CEP164: variants seen among roughly 807,000 people sequenced by gnomAD.
CEP164 encodes the protein centrosomal protein 164.
Under a neutral mutation model 182.7 loss-of-function variants are expected in CEP164, and 162 were observed. That is an observed-to-expected ratio of 0.89 (90% CI 0.78 to 1.01). The LOEUF is 1.01. Among genes scored for constraint, CEP164 ranks in the 50% least tolerant of loss-of-function variants. The pLI is 0.00. For synonymous variants in CEP164, 661 were observed against 690.0 expected, an observed-to-expected ratio of 0.96 and a Z score of 0.66; for missense variants, 1,735 against 1,790.4, an observed-to-expected ratio of 0.97 and a Z score of 0.56.
chr11:117,390,657 A>AAAT, intron 15 of CEP164, 120 bp from the exon 16 acceptor site: 2 of 1,061,672 alleles, frequency 1.9e-6, no homozygotes, highest in South Asian at 1.6e-5. Flanking sequence ...AAAAAAAAAA[A>AAAT]GATTTAGGAA....
At position 117,361,850 on chromosome 11, in the gene CEP164, T is replaced by C. The variant is rs764197141; in HGVS notation, c.409T>C (p.Leu137=). The part of the protein sequence containing the change: ...PKSSLALGSS[L]APVHVPLGGL... ...TGTTGCACAGGCCTTGGGTTCCTCA[T>C]TAGCCCCAGTTCATGTTCCTCTTGG... is the stretch of plus-strand genomic sequence containing the variant. Residue 137 remains leucine, a synonymous_variant, in exon 6 of 33, where the codon TTA becomes CTA. Transcript: ENST00000278935. 3.1e-6 allele frequency: 5 copies of C among 1,614,248 alleles called. No individual in the cohort carries two copies. The highest frequency in any genetic ancestry group is 3.4e-6 in the Non-Finnish European group (4 of 1,180,046).
At chr11:117,342,217 A>C (rs935101802) in intron 3 of CEP164, among the ~76,000 whole-genome samples, 17 of 152,324 alleles carry the variant, frequency 1.1e-4, no homozygotes, top group African/African-American at 3.8e-4. Flanking sequence ...GCACTCAAAA[A>C]TATTTGTGAA....
chr11:117,411,864 C>A lies in CEP164; in HGVS notation c.4233C>A (p.Gly1411=), dbSNP rs779295738. Residue 1411 remains glycine (G), a synonymous_variant, in exon 32 of 33, where the codon GGC becomes GGA. Coordinates refer to ENST00000278935, the MANE Select transcript of CEP164 (RefSeq NM_014956.5). This position sits in a 1 kb window ranked among gnomAD's most constrained non-coding sequence, Gnocchi z 4.4. ...AGGCGGGCAGCACCACCTTTCAGGG[C>A]ATAATTGAGGCCAACCGGAGGTGGC... ...VPEAGSTTFQ[G]IIEANRRWLE... 6.2e-7 allele frequency: 1 copy of A among 1,614,134 alleles called. No individual in the cohort carries two copies. The highest frequency in any genetic ancestry group is 1.3e-5 in the African/African-American group (1 of 75,048).
chr11:117,396,682 G>C (rs1257436004), intron 26 of CEP164, 71 bp downstream of exon 26: 11 of 1,164,824 alleles, frequency 9.4e-6, no homozygotes, highest in Non-Finnish European at 1.4e-5. Flanking sequence ...CTGCATCATA[G>C]AGCTGGGGTG....
In CEP164 at chr11:117,390,871, G is replaced by T. The variant is rs1237751640; in HGVS notation, c.2029G>T (p.Val677Phe). The change falls in exon 16 of 33, where the codon GTC becomes TTC. Residue 677 changes from valine to phenylalanine, a missense_variant. By Grantham distance (50) the Val-to-Phe change is conservative (BLOSUM62 -1). Transcript: ENST00000278935. ...SQRLSWLRAQ[V>F]QSSTQADEDQ... ...GAGGCTATCCTGGCTCCGAGCTCAG[G>T]TCCAGTCCAGCACACAAGCAGATGA... 6.2e-7 allele frequency: 1 copy of T among 1,613,846 alleles called. No homozygotes were observed. Among genetic ancestry groups the T allele is most frequent in the East Asian group, 2.2e-5 (1 of 44,766 alleles).
chr11:117,367,669 A>G (rs1004723418), intron 8 of CEP164, among the ~76,000 whole-genome samples: 5 of 152,172 alleles, frequency 3.3e-5, no homozygotes, highest in African/African-American at 1.2e-4. Flanking sequence ...TTTAATTTTT[A>G]TTTTAAGTTC....
chr11:117,392,256 G>C lies in CEP164; in HGVS notation c.2314G>C (p.Ala772Pro). 6.2e-7 allele frequency: 1 copy of C among 1,611,880 alleles called. No individual in the cohort carries two copies. Among genetic ancestry groups the C allele is most frequent in the South Asian group, 1.1e-5 (1 of 90,884 alleles). Residue 772 changes from alanine to proline, a missense_variant, in exon 18 of 33, where the codon GCT becomes CCT. By Grantham distance (27) the Ala-to-Pro change is conservative. Coordinates refer to ENST00000278935, the MANE Select transcript of CEP164 (RefSeq NM_014956.5). ...AVATLEKEHS[A>P]ELERLCSSLE... ...GGCAACGCTGGAGAAGGAGCACAGT[G>C]CTGAGCTGGAGCGGCTCTGCTCCTC...
At chr11:117,410,079 T>G (rs1376205555) in intron 30 of CEP164, 114 bp downstream of exon 30, 1 of 987,886 alleles carries the variant, frequency 1.0e-6, no homozygotes, top group South Asian at 1.4e-5. Flanking sequence ...TTTGCATCCC[T>G]TTGCCACACC....
At chr11:117,355,228 AT>A (rs1565465613) in intron 5 of CEP164, 2 of 1,289,840 alleles carry the variant, frequency 1.6e-6, no homozygotes, top group South Asian at 2.5e-5. Context: ...GCAGGAGAGA[AT>A]TAGGTGATCA....
At position 117,395,104 on chromosome 11, in the gene CEP164, C is replaced by T; in HGVS notation, c.2845-19C>T. The T allele has an allele frequency of 1.2e-6, 2 of 1,614,134 alleles. No individual in the cohort carries two copies. The highest frequency in any genetic ancestry group is 1.7e-6 in the Non-Finnish European group (2 of 1,179,988). Reference sequence around the variant, plus strand: ...TGGGGTCTGCAGTCAGCCAGAAAATCCTGTCTCTTCCCTGCAAGGAGGAGA... The same window carrying T: ...TGGGGTCTGCAGTCAGCCAGAAAATTCTGTCTCTTCCCTGCAAGGAGGAGA... On this transcript the variant is annotated intron_variant, in intron 22 of 32. Coordinates refer to ENST00000278935, the MANE Select transcript of CEP164 (RefSeq NM_014956.5).
intron 8 of CEP164, among the ~76,000 whole-genome samples, chr11:117,364,585 A>C (rs1376837722): frequency 1.4e-5 from 2 of 143,072 alleles, no homozygotes; most frequent in Admixed American, 7.1e-5. Context: ...TTTTTTTGAG[A>C]CTGGGTGTCA....
chr11:117,344,293 G>A lies in CEP164; in HGVS notation c.194+16G>A. ...GGAAACCATGGTAAGTCAGCAGGGG[G>A]TGCGGCCACTGACTTGGCCTAGCAG... On this transcript the variant is annotated intron_variant, in intron 4 of 32. Transcript: ENST00000278935. 1 of 1,570,744 alleles carries A rather than the reference G, an allele frequency of 6.4e-7. No homozygotes were observed. The highest frequency in any genetic ancestry group is 8.7e-7 in the Non-Finnish European group (1 of 1,144,556).
chr11:117,412,268 TC>T lies in CEP164; in HGVS notation c.*105del. On this transcript the variant is annotated 3_prime_UTR_variant, in exon 33 of 33. Coordinates refer to ENST00000278935, the MANE Select transcript of CEP164 (RefSeq NM_014956.5). ...CTTCCATCTGAGAAAGCACCCTCCT[TC>T]CCCCTTTGACTTGCAGGAGCCACCA... The T allele has an allele frequency of 9.3e-7, 1 of 1,074,898 alleles. No homozygotes were observed. Among genetic ancestry groups the T allele is most frequent in the Non-Finnish European group, 1.3e-6 (1 of 749,272 alleles). The allele number at this position is 1,074,898 out of a possible 1,614,324, so 66.6% of individuals were successfully genotyped here.
chr11:117,396,685 C>G (rs1342040619), intron 26 of CEP164, 74 bp downstream of exon 26: 18 of 1,172,274 alleles, frequency 1.5e-5, no homozygotes, highest in Non-Finnish European at 2.3e-5. Context: ...CATCATAGAG[C>G]TGGGGTGAGC....
intron 5 of CEP164, chr11:117,356,107 T>G (rs573673481): frequency 5.8e-5 from 61 of 1,055,984 alleles, no homozygotes; most frequent in Admixed American, 5.7e-4. Context: ...CACGGGGATC[T>G]GAGGAGGGTA....
intron 27 of CEP164, among the ~76,000 whole-genome samples, chr11:117,401,206 A>G (rs972149511): frequency 2.0e-5 from 3 of 152,212 alleles, no homozygotes; most frequent in Admixed American, 6.5e-5. Context: ...AGGGGTGTCA[A>G]ATTTTATCGA....
intron 14 of CEP164, among the ~76,000 whole-genome samples, chr11:117,383,985 G>A (rs897190782): frequency 6.6e-6 from 1 of 152,174 alleles, no homozygotes; most frequent in Non-Finnish European, 1.5e-5. Flanking sequence ...GCAGTGAGCC[G>A]AGATCGTGCC....
chr11:117,356,771 A>G lies in CEP164; in HGVS notation c.393+4783A>G, dbSNP rs1452594656. On this transcript the variant is annotated intron_variant, in intron 5 of 32. Transcript: ENST00000278935. ...CTTTAACTACCCAAATGGCCATTTT[A>G]TGGAATGACACATACTTGAAGTTTC... Among the ~76,000 whole-genome samples the G allele has an allele frequency of 2.0e-5, 3 of 152,332 alleles. No homozygotes were observed. The East Asian group carries it at 5.8e-4, about 29-fold the overall frequency.
intron 1 of CEP164, among the ~76,000 whole-genome samples, chr11:117,321,828 G>A (rs1453354001): frequency 6.6e-6 from 1 of 151,462 alleles, no homozygotes; most frequent in Non-Finnish European, 1.5e-5. Flanking sequence ...CTCTGTAGAT[G>A]AGACTACAGG....
Sources: allele counts gnomAD v4.1 joint callset (sites outside exome capture counted in the v4.1 genomes callset), GRCh38; gene constraint gnomAD v4.1.1; non-coding constraint Gnocchi (gnomAD v3.1); transcripts MANE v1.5; gene names NCBI Gene and HGNC (gene_info 2026-07-23, HGNC 2026-07-21).